The following ZNF280B variants were observed in gnomAD, a reference collection of about 807,000 sequenced individuals.
ZNF280B encodes zinc finger protein 280B.
In ZNF280B, 16 loss-of-function variants were observed where a neutral mutation model predicts 38.0. That is an observed-to-expected ratio of 0.42 (90% CI 0.28 to 0.64). The LOEUF is 0.64. Ranked by LOEUF, ZNF280B falls within the 30% of genes least tolerant of loss-of-function variation. ZNF280B has a pLI of 0.21. For missense variants in ZNF280B, 581 were observed against 639.6 expected (o/e 0.91, Z 0.99); for synonymous variants, 253 against 230.6 (o/e 1.10, Z -0.88).
chr22:22,488,018 G>A lies in ZNF280B; in HGVS notation c.1381C>T (p.Gln461Ter), dbSNP rs2061525457. 6.2e-7 allele frequency: 1 copy of A among 1,613,554 alleles called. No individual in the cohort carries two copies. Among genetic ancestry groups the A allele is most frequent in the Admixed American group, 1.7e-5 (1 of 59,912 alleles). Residue 461 changes from glutamine (Q) to a stop codon, truncating the protein, a stop_gained, in exon 4 of 4, where the codon CAG becomes TAG. Coordinates refer to ENST00000626650, the MANE Select transcript of ZNF280B (RefSeq NM_080764.4). LOFTEE classifies it high-confidence loss of function. ...YRGHWGKSAH[Q>*]CSKCRLQFLT... ...AACTGTAGCCGGCACTTGGAACACT[G>A]GTGTGCACTCTTTCCCCAGTGGCCC...
chr22:22,496,904 A>G (rs1412236911), intron 2 of ZNF280B, among the ~76,000 whole-genome samples: 13 of 144,244 alleles, frequency 9.0e-5, no homozygotes, highest in Admixed American at 6.6e-4. Context: ...TGCAACCTCC[A>G]CCTCCTGGGT....
In ZNF280B at chr22:22,488,482, G is replaced by T. The variant is rs775207652; in HGVS notation, c.917C>A (p.Thr306Asn). The T allele has an allele frequency of 2.5e-5, 41 of 1,613,708 alleles. No individual in the cohort carries two copies. In the East Asian group the frequency reaches 9.2e-4, roughly 36 times the overall value. The change falls in exon 4 of 4, where the codon ACC becomes AAC. Residue 306 changes from threonine to asparagine, a missense_variant. Coordinates refer to ENST00000626650, the MANE Select transcript of ZNF280B (RefSeq NM_080764.4). Reference protein sequence around the residue: ...EGQPEQKTHTTFKCLSCVKVL... With the variant: ...EGQPEQKTHTNFKCLSCVKVL... ...TTTCACGCAGCTGAGGCATTTAAAG[G>T]TGGTGTGAGTCTTCTGTTCCGGCTG...
At chr22:22,507,342 A>C (rs1325231172) in intron 2 of ZNF280B, among the ~76,000 whole-genome samples, 1 of 151,976 alleles carries the variant, frequency 6.6e-6, no homozygotes, top group South Asian at 2.1e-4. Flanking sequence ...AATTTGTTAC[A>C]CGGCAATAGA....
rs71199481 is a variant in ZNF280B, at chr22:22,487,447, T to TAAAAAAAAAAAA, written c.*308_*319dup. 6.0e-5 allele frequency: 4 copies of TAAAAAAAAAAAA among 66,764 alleles called. No individual in the cohort carries two copies. The highest frequency in any genetic ancestry group is 2.0e-4 in the African/African-American group (4 of 20,458). 4.1% of individuals were successfully genotyped at this position (66,764 alleles called of 1,614,324 possible). A position where few individuals can be genotyped will look rare whatever the true frequency, so the allele number is the denominator to read the frequency against. On this transcript the variant is annotated 3_prime_UTR_variant, in exon 4 of 4. Coordinates refer to ENST00000626650, the MANE Select transcript of ZNF280B (RefSeq NM_080764.4). ...TAACAGTGAGACCCTGTCTCTAAAG[T>TAAAAAAAAAAAA]AAAAAAAAAAAAAAAAAAAAAAAAA...
intron 2 of ZNF280B, among the ~76,000 whole-genome samples, chr22:22,502,046 G>T (rs763167126): frequency 6.6e-6 from 1 of 151,906 alleles, no homozygotes; most frequent in Non-Finnish European, 1.5e-5. Flanking sequence ...AGGATCACTG[G>T]AGCCTGGGAG....
At chr22:22,496,430 C>T (rs1321500190) in intron 2 of ZNF280B, among the ~76,000 whole-genome samples, 1 of 151,916 alleles carries the variant, frequency 6.6e-6, no homozygotes, top group African/African-American at 2.4e-5. Context: ...TTTTACACTC[C>T]TCTACCATCC....
At chr22:22,490,766 C>A (rs2061577628) in intron 3 of ZNF280B, among the ~76,000 whole-genome samples, 1 of 151,890 alleles carries the variant, frequency 6.6e-6, no homozygotes, top group East Asian at 2.0e-4. Flanking sequence ...CTGCACCTGG[C>A]CCTCCCTGCT....
At chr22:22,494,557 A>C (rs949298374) in intron 2 of ZNF280B, among the ~76,000 whole-genome samples, 4 of 151,950 alleles carry the variant, frequency 2.6e-5, no homozygotes, top group African/African-American at 9.7e-5. Flanking sequence ...TAGGGAGGTT[A>C]GACATGCAAA....
Position 22,484,993 on chromosome 22 carries a change from A to C in ZNF280B, c.*2774T>G, listed in dbSNP as rs1043543387. ...GGCCTAGGGGAAGGGCATTCTAAGA[A>C]AGACAACAGCATGTGCAAAGTCTTT... On this transcript the variant is annotated 3_prime_UTR_variant, in exon 4 of 4. Transcript: ENST00000626650. 1.1e-4 allele frequency: 17 copies of C among 152,482 alleles called. No individual in the cohort carries two copies. Among genetic ancestry groups the C allele is most frequent in the African/African-American group, 4.1e-4 (17 of 41,496 alleles). The allele number at this position is 152,482 out of a possible 1,614,324, so 9.4% of individuals were successfully genotyped here.
Position 22,502,016 on chromosome 22 carries a change from AG to A in ZNF280B, c.-187+5793del, listed in dbSNP as rs1196433695. On this transcript the variant is annotated intron_variant, in intron 2 of 3. Transcript: ENST00000626650. ...CAGCTACTCAGGGGTGGAATGAGGCAGGGTGGCAGCTGAGATGGGAGGATCA... is the reference window on the plus strand; with the variant it reads ...CAGCTACTCAGGGGTGGAATGAGGCAGGTGGCAGCTGAGATGGGAGGATCA... Among the ~76,000 whole-genome samples the A allele has an allele frequency of 2.6e-5, 4 of 151,302 alleles. No individual in the cohort carries two copies. In the East Asian group the frequency reaches 8.0e-4, roughly 30 times the overall value.
chr22:22,501,982 C>T (rs2061835389), intron 2 of ZNF280B, among the ~76,000 whole-genome samples: 1 of 151,818 alleles, frequency 6.6e-6, no homozygotes, highest in South Asian at 2.1e-4. Flanking sequence ...TGGCACACGC[C>T]TGTAGTCCCA....
At chr22:22,505,837 G>C (rs1380804936) in intron 2 of ZNF280B, among the ~76,000 whole-genome samples, 1 of 151,902 alleles carries the variant, frequency 6.6e-6, no homozygotes, top group African/African-American at 2.4e-5. Context: ...GAGATTACTG[G>C]AAGGCTCTGA....
intron 2 of ZNF280B, among the ~76,000 whole-genome samples, chr22:22,500,331 C>A: frequency 6.6e-6 from 1 of 151,252 alleles, no homozygotes; most frequent in South Asian, 2.1e-4. Context: ...TAGAAGCAAC[C>A]CAAATGTCTA....
chr22:22,488,433 C>T lies in ZNF280B; in HGVS notation c.966G>A (p.Met322Ile). Residue 322 changes from methionine (M) to isoleucine (I), a missense_variant, in exon 4 of 4, where the codon ATG becomes ATA. Met to Ile is a conservative substitution (Grantham distance 10). Coordinates refer to ENST00000626650, the MANE Select transcript of ZNF280B (RefSeq NM_080764.4). The part of the protein sequence containing the change: ...CVKVLKNVKF[M>I]NHVKHHLEFE... ...ATTCCAAATGATGCTTCACGTGATT[C>T]ATAAACTTAACATTTTTTAGAACTT... The T allele has an allele frequency of 6.2e-7, 1 of 1,613,844 alleles. No homozygotes were observed. Among genetic ancestry groups the T allele is most frequent in the Non-Finnish European group, 8.5e-7 (1 of 1,179,982 alleles).
chr22:22,491,092 T>C (rs1445008812), intron 3 of ZNF280B, among the ~76,000 whole-genome samples: 1 of 151,982 alleles, frequency 6.6e-6, no homozygotes, highest in African/African-American at 2.4e-5. Flanking sequence ...TTGTTGACTG[T>C]TGTATGCCCA....
Position 22,489,363 on chromosome 22 carries a change from T to C in ZNF280B, c.36A>G (p.Glu12=). 3 of 1,607,206 alleles carry C rather than the reference T, an allele frequency of 1.9e-6. No homozygotes were observed. Among genetic ancestry groups the C allele is most frequent in the South Asian group, 1.1e-5 (1 of 89,538 alleles). ...EQSCEEEKEP[E]PQKNIQETKQ... Reference sequence around the variant, plus strand: ...TGGTTTCTTGTATGTTCTTCTGTGGTTCAGGCTCTTTCTCTTCCTCACATG... The same window carrying C: ...TGGTTTCTTGTATGTTCTTCTGTGGCTCAGGCTCTTTCTCTTCCTCACATG... The change falls in exon 4 of 4, where the codon GAA becomes GAG. Residue 12 remains glutamate (E), a synonymous_variant. Coordinates refer to ENST00000626650, the MANE Select transcript of ZNF280B (RefSeq NM_080764.4).
chr22:22,491,754 A>ATG (rs1447916839), intron 3 of ZNF280B, among the ~76,000 whole-genome samples: 1 of 151,856 alleles, frequency 6.6e-6, no homozygotes, highest in Non-Finnish European at 1.5e-5. Context: ...CATGGATTAC[A>ATG]AGCCTGAGCT....
At chr22:22,499,890 G>T (rs2061782051) in intron 2 of ZNF280B, among the ~76,000 whole-genome samples, 1 of 151,914 alleles carries the variant, frequency 6.6e-6, no homozygotes, top group Non-Finnish European at 1.5e-5. Context: ...TGGAAAGCAA[G>T]AAGTAAAACC....
At chr22:22,508,153 C>T (rs1376441305) in intron 1 of ZNF280B, among the ~76,000 whole-genome samples, 1 of 151,912 alleles carries the variant, frequency 6.6e-6, no homozygotes, top group East Asian at 2.0e-4. Flanking sequence ...CATTAAGAGT[C>T]CCGACAGCGA....
Sources: gnomAD v4.1 joint callset for allele counts (sites outside exome capture counted in the v4.1 genomes callset) on GRCh38, gnomAD v4.1.1 for gene constraint, MANE v1.5 for transcripts, NCBI Gene and HGNC (gene_info 2026-07-23, HGNC 2026-07-21) for gene names.